The following FBXO34 variants were observed in gnomAD, a reference collection of about 807,000 sequenced individuals.
FBXO34 encodes the protein F-box only protein 34.
In FBXO34, 12 loss-of-function variants were observed where a neutral mutation model predicts 24.5. The observed-to-expected ratio is 0.49, with a 90% CI of 0.31 to 0.79. FBXO34 has a LOEUF of 0.79. Ranked by LOEUF, FBXO34 falls within the 30% of genes least tolerant of loss-of-function variation. FBXO34 has a pLI of 0.04. For missense variants in FBXO34, 823 were observed against 857.7 expected, an observed-to-expected ratio of 0.96 and a Z score of 0.51; for synonymous variants, 320 against 311.9, an observed-to-expected ratio of 1.03 and a Z score of -0.27.
At chr14:55,365,303 A>G (rs570744846), downstream of FBXO34, among the ~76,000 whole-genome samples, 273 of 151,946 alleles carry the variant, frequency 1.8e-3, 6 homozygotes, top group Non-Finnish European at 1.9e-4. Context: ...AGCTCAAACA[A>G]TCCTCCTGCC....
chr14:55,350,117 G>T (rs1884295945), intron 1 of FBXO34, among the ~76,000 whole-genome samples: 1 of 148,780 alleles, frequency 6.7e-6, no homozygotes, highest in South Asian at 2.1e-4. Context: ...GTTAACTGAA[G>T]TCAGTTTCTG....
chr14:55,355,562 A>G (rs1297932825), downstream of FBXO34, among the ~76,000 whole-genome samples: 1 of 152,238 alleles, frequency 6.6e-6, no homozygotes, highest in East Asian at 1.9e-4. Context: ...ATTATTCCCT[A>G]AACAATACAA....
chr14:55,353,534 TAAC>T lies in FBXO34; in HGVS notation c.*1010_*1012del, dbSNP rs1368026840. On this transcript the variant is annotated 3_prime_UTR_variant, in exon 2 of 2. Transcript: ENST00000313833. ...GAGAAAATATTATATAGTTAGATAA[TAAC>T]ATTCTTGTCTACTTTATCCTGTCTG... The T allele has an allele frequency of 6.0e-6, 1 of 167,102 alleles. No homozygotes were observed. The highest frequency in any genetic ancestry group is 6.5e-5 in the Admixed American group (1 of 15,286). 10.4% of individuals were successfully genotyped at this position (167,102 alleles called of 1,614,324 possible). A position where few individuals can be genotyped will look rare whatever the true frequency, so the allele number is the denominator to read the frequency against.
chr14:55,409,185 C>G, the FBXO34 span, among the ~76,000 whole-genome samples: 1 of 152,066 alleles, frequency 6.6e-6, no homozygotes, highest in South Asian at 2.1e-4. Context: ...GTTTTGGATG[C>G]AGAGAGGAAG....
At chr14:55,309,391 G>C (rs1178561482) in intron 1 of FBXO34, among the ~76,000 whole-genome samples, 2 of 152,132 alleles carry the variant, frequency 1.3e-5, no homozygotes, top group East Asian at 3.8e-4. Context: ...CCTTCCTCTA[G>C]TACTGAGCAA....
chr14:55,318,714 C>T (rs552926627), intron 1 of FBXO34, among the ~76,000 whole-genome samples: 2 of 151,872 alleles, frequency 1.3e-5, no homozygotes, highest in Admixed American at 1.3e-4. Flanking sequence ...GATAAGAAAA[C>T]ACACAAAATA....
rs770368282 is a variant in FBXO34, at chr14:55,351,406, A to G, written c.1016A>G (p.Gln339Arg). 9.3e-6 allele frequency: 15 copies of G among 1,614,112 alleles called. No individual in the cohort carries two copies. The Admixed American group carries it at 2.2e-4, about 23-fold the overall frequency. ...GGCGTCTTGGAGGCACCTGACACTC[A>G]GGTGAATCCTGTGGGGTCTGTATCT... ...KKGVLEAPDT[Q>R]VNPVGSVSVD... Residue 339 changes from glutamine to arginine, a missense_variant, in exon 2 of 2, where the codon CAG (glutamine) becomes CGG (arginine). By Grantham distance (43) the Gln-to-Arg change is conservative. Transcript: ENST00000313833.
At chr14:55,369,993 T>C, downstream of FBXO34, 2 of 1,468,206 alleles carry the variant, frequency 1.4e-6, no homozygotes, top group Non-Finnish European at 9.2e-7. Context: ...TATGCCATCT[T>C]CCTGAAGGCC....
At chr14:55,366,092 G>A (rs953681864), downstream of FBXO34, among the ~76,000 whole-genome samples, 1 of 152,156 alleles carries the variant, frequency 6.6e-6, no homozygotes, top group African/African-American at 2.4e-5. Flanking sequence ...TGCCCCAGGG[G>A]TCTGTTGCAC....
intron 1 of FBXO34, among the ~76,000 whole-genome samples, chr14:55,323,220 T>A (rs1036862327): frequency 0.073 from 1,394 of 19,188 alleles, 37 homozygotes; most frequent in Non-Finnish European, 0.085. Context: ...AAAAAAAAAA[T>A]ATATATTTTT....
chr14:55,331,545 C>T (rs188461626), intron 1 of FBXO34, among the ~76,000 whole-genome samples: 8,477 of 124,316 alleles, frequency 0.068, 324 homozygotes, highest in South Asian at 0.11. Context: ...TAAATTGAGG[C>T]GTGATATATA....
rs1446644115 is a variant in FBXO34, at chr14:55,350,570, GC to G, written c.182del (p.Pro61HisfsTer13). ...ASLGKASSRK[P>X]FGILSPNVLC... The stretch of plus-strand genomic sequence containing the variant: ...CTCTCGGTAAAGCATCATCTCGAAA[GC>G]CATTTGGGATCCTTTCTCCAAATGT... On this transcript the variant is annotated frameshift_variant, in exon 2 of 2. Coordinates refer to ENST00000313833, the MANE Select transcript of FBXO34 (RefSeq NM_017943.4). LOFTEE classifies it low-confidence loss of function (END_TRUNC). 1.2e-6 allele frequency: 2 copies of G among 1,612,868 alleles called. No homozygotes were observed. The highest frequency in any genetic ancestry group is 1.7e-6 in the Non-Finnish European group (2 of 1,179,692).
At chr14:55,411,866 A>T in the FBXO34 span, 221 of 1,521,902 alleles carry the variant, frequency 1.5e-4, 1 homozygote, top group South Asian at 2.5e-3. Context: ...TTTGTTTTCA[A>T]CCGGGTGCAT....
chr14:55,325,482 AT>A (rs11374206), intron 1 of FBXO34, among the ~76,000 whole-genome samples: 2 of 149,910 alleles, frequency 1.3e-5, no homozygotes, highest in African/African-American at 2.5e-5. Context: ...AAACTAAATT[AT>A]TTTTTTTTTG....
the FBXO34 span, among the ~76,000 whole-genome samples, chr14:55,385,049 G>T: frequency 3.9e-5 from 6 of 152,202 alleles, no homozygotes; most frequent in Non-Finnish European, 8.8e-5. Flanking sequence ...TTCAGTGCTT[G>T]ATAACAGTTA....
At chr14:55,382,244 A>G in the FBXO34 span, 1 of 1,536,368 alleles carries the variant, frequency 6.5e-7, no homozygotes, top group Non-Finnish European at 9.0e-7. Flanking sequence ...TTTTAAGGGC[A>G]TGCAATATAA....
downstream of FBXO34, among the ~76,000 whole-genome samples, chr14:55,358,244 G>A (rs1884548738): frequency 1.3e-5 from 2 of 152,176 alleles, no homozygotes; most frequent in Admixed American, 6.5e-5. Context: ...CCTTTTCCAC[G>A]GCCAGTGGTC....
intron 1 of FBXO34, among the ~76,000 whole-genome samples, chr14:55,339,701 A>G (rs1180320070): frequency 1.3e-5 from 2 of 152,120 alleles, no homozygotes; most frequent in Non-Finnish European, 2.9e-5. Context: ...TTTAACCCCA[A>G]TAGTTAAATT....
chr14:55,411,011 A>C, the FBXO34 span, among the ~76,000 whole-genome samples: 2 of 152,238 alleles, frequency 1.3e-5, no homozygotes, highest in Non-Finnish European at 2.9e-5. Context: ...ATTTTAAAAC[A>C]AGGCCAAAAC....
Sources: allele counts gnomAD v4.1 joint callset (sites outside exome capture counted in the v4.1 genomes callset), GRCh38; gene constraint gnomAD v4.1.1; transcripts MANE v1.5; gene names NCBI Gene and HGNC (gene_info 2026-07-23, HGNC 2026-07-21).